Variants in PTPRM observed in about 807,000 individuals in gnomAD.
The protein encoded by PTPRM is receptor-type tyrosine-protein phosphatase mu.
A neutral mutation model predicts 186.7 loss-of-function variants in PTPRM; 47 were observed. The ratio of observed to expected loss-of-function variants is 0.25; its 90% CI spans 0.20 to 0.32. PTPRM has a LOEUF of 0.32. PTPRM is among the 10% of genes least tolerant of loss of function. PTPRM has a pLI of 1.00. For synonymous variants in PTPRM, 668 were observed against 674.9 expected, an observed-to-expected ratio of 0.99 and a Z score of 0.16; for missense variants, 1,494 against 1,865.0, an observed-to-expected ratio of 0.80 and a Z score of 3.66.
intron 7 of PTPRM, among the ~76,000 whole-genome samples, chr18:7,974,593 G>A (rs756060904): frequency 6.6e-6 from 1 of 152,204 alleles, no homozygotes; most frequent in African/African-American, 2.4e-5. Context: ...ACCCTTTACA[G>A]TTTGTTGTTC....
intron 14 of PTPRM, among the ~76,000 whole-genome samples, chr18:8,168,060 C>A (rs760919753): frequency 6.6e-6 from 1 of 152,212 alleles, no homozygotes; most frequent in African/African-American, 2.4e-5. Context: ...ATGGTCTCTG[C>A]TTCTCAACCC....
At chr18:8,082,142 T>C (rs948917642) in intron 9 of PTPRM, among the ~76,000 whole-genome samples, 2 of 152,110 alleles carry the variant, frequency 1.3e-5, no homozygotes, top group African/African-American at 4.8e-5. Flanking sequence ...GGAAAATAGA[T>C]ACTGAGTGCC....
At chr18:8,271,020 A>G (rs900291421) in intron 19 of PTPRM, among the ~76,000 whole-genome samples, 1 of 152,270 alleles carries the variant, frequency 6.6e-6, no homozygotes, top group Middle Eastern at 3.4e-3. Context: ...CACACACACA[A>G]AAGTAACTAA....
intron 23 of PTPRM, among the ~76,000 whole-genome samples, chr18:8,350,543 A>G (rs2095528993): frequency 1.3e-5 from 2 of 152,174 alleles, no homozygotes; most frequent in Non-Finnish European, 2.9e-5. Flanking sequence ...TCTCCTTTCT[A>G]CTGTCCAGCC....
At chr18:7,702,733 A>G (rs75394964) in intron 1 of PTPRM, among the ~76,000 whole-genome samples, 2,901 of 152,204 alleles carry the variant, frequency 0.019, 95 homozygotes, top group African/African-American at 0.066. Context: ...ATTTGTTGCC[A>G]TTGCTTTTGT....
intron 11 of PTPRM, among the ~76,000 whole-genome samples, chr18:8,101,478 T>C (rs1305882910): frequency 3.9e-5 from 6 of 152,214 alleles, no homozygotes; most frequent in Non-Finnish European, 8.8e-5. Context: ...GTTATGTTCT[T>C]CTTAGCAGCT....
chr18:7,738,524 C>T (rs187742250), intron 1 of PTPRM, among the ~76,000 whole-genome samples: 1 of 152,072 alleles, frequency 6.6e-6, no homozygotes, highest in African/African-American at 2.4e-5. Context: ...CAAGCTCCGC[C>T]TCCCGGGTTC....
chr18:7,674,086 A>G (rs904960391), intron 1 of PTPRM, among the ~76,000 whole-genome samples: 9 of 152,204 alleles, frequency 5.9e-5, no homozygotes, highest in African/African-American at 2.2e-4. Context: ...AGACCTGCAC[A>G]TATTTAAATA....
At chr18:7,661,940 C>G (rs1210645022) in intron 1 of PTPRM, among the ~76,000 whole-genome samples, 1 of 151,786 alleles carries the variant, frequency 6.6e-6, no homozygotes, top group Non-Finnish European at 1.5e-5. Flanking sequence ...TTTTTTGAGA[C>G]AGGGTCTTGC....
At chr18:7,809,575 C>T (rs1279919270) in intron 2 of PTPRM, among the ~76,000 whole-genome samples, 5 of 152,152 alleles carry the variant, frequency 3.3e-5, no homozygotes, top group Non-Finnish European at 7.3e-5. Context: ...CGGTCCTCCA[C>T]GTGGCCACTG....
chr18:7,915,455 G>A (rs929507770), intron 4 of PTPRM, among the ~76,000 whole-genome samples: 3 of 136,222 alleles, frequency 2.2e-5, no homozygotes, highest in Non-Finnish European at 4.9e-5. Flanking sequence ...AAGATTCAGA[G>A]CATACAGCTC....
At chr18:8,326,933 A>C (rs2095380912) in intron 22 of PTPRM, among the ~76,000 whole-genome samples, 1 of 152,234 alleles carries the variant, frequency 6.6e-6, no homozygotes, top group African/African-American at 2.4e-5. Context: ...TTGCCCATTT[A>C]CAAAATAATG....
chr18:8,393,624 G>A (rs1166751970), intron 31 of PTPRM, among the ~76,000 whole-genome samples: 4 of 152,290 alleles, frequency 2.6e-5, no homozygotes, highest in Middle Eastern at 3.4e-3. Flanking sequence ...TGCATAATGC[G>A]CTGTGGGCAA....
chr18:8,379,466 A>T, intron 28 of PTPRM, 126 bp downstream of exon 28: 1 of 1,014,416 alleles, frequency 9.9e-7, no homozygotes, highest in Admixed American at 3.4e-5. Context: ...TTTTTTTTCC[A>T]ACAAAAAATA....
At chr18:7,716,110 A>G (rs972667510) in intron 1 of PTPRM, among the ~76,000 whole-genome samples, 1 of 152,184 alleles carries the variant, frequency 6.6e-6, no homozygotes, top group Non-Finnish European at 1.5e-5. Flanking sequence ...ACTTCAAACT[A>G]TACTACAAGT....
At chr18:8,205,626 A>G (rs1384736675) in intron 14 of PTPRM, among the ~76,000 whole-genome samples, 4 of 152,230 alleles carry the variant, frequency 2.6e-5, no homozygotes, top group African/African-American at 9.6e-5. Flanking sequence ...TGACACATCC[A>G]CTACCCATAA....
At chr18:7,974,879 G>A (rs1276930504) in intron 7 of PTPRM, among the ~76,000 whole-genome samples, 1 of 152,100 alleles carries the variant, frequency 6.6e-6, no homozygotes, top group Non-Finnish European at 1.5e-5. Context: ...AAACTTTAAC[G>A]TACTTCAGTA....
intron 1 of PTPRM, among the ~76,000 whole-genome samples, chr18:7,645,566 C>T (rs866097123): frequency 6.6e-5 from 10 of 152,174 alleles, no homozygotes; most frequent in African/African-American, 2.2e-4. Context: ...GTATTAAAAG[C>T]ACAAATGCTA....
At chr18:7,906,965 A>G (rs866091107) in intron 4 of PTPRM, among the ~76,000 whole-genome samples, 5 of 152,182 alleles carry the variant, frequency 3.3e-5, no homozygotes, top group Admixed American at 1.3e-4. Context: ...ACAGTTCCTT[A>G]GTATTTATCA....
Sources: allele counts gnomAD v4.1 joint callset (sites outside exome capture counted in the v4.1 genomes callset), GRCh38; gene constraint gnomAD v4.1.1; transcripts MANE v1.5; gene names NCBI Gene and HGNC (gene_info 2026-07-23, HGNC 2026-07-21).